The following NECAB1 variants were observed in gnomAD, a reference collection of about 807,000 sequenced individuals.
NECAB1 encodes the protein N-terminal EF-hand calcium-binding protein 1.
In NECAB1, 29 loss-of-function variants were observed where a neutral mutation model predicts 57.5. The ratio of observed to expected loss-of-function variants is 0.50; its 90% CI spans 0.38 to 0.69. The LOEUF (loss-of-function observed/expected upper bound fraction) is 0.69. Among genes scored for constraint, NECAB1 ranks in the 30% least tolerant of loss-of-function variants. The pLI is 0.00. For synonymous variants in NECAB1, 142 were observed against 147.7 expected, an observed-to-expected ratio of 0.96 and a Z score of 0.28; for missense variants, 372 against 413.8, an observed-to-expected ratio of 0.90 and a Z score of 0.88.
chr8:90,921,408 C>T (rs1193371055), intron 6 of NECAB1, among the ~76,000 whole-genome samples: 6 of 151,934 alleles, frequency 3.9e-5, no homozygotes, highest in Non-Finnish European at 5.9e-5. Context: ...GTGGCTCACA[C>T]CTGTGATTCC....
In NECAB1 at chr8:90,933,618, G is replaced by A. The variant is rs976980308; in HGVS notation, c.694-686G>A. 9.2e-5 allele frequency among the ~76,000 whole-genome samples: 14 copies of A among 152,074 alleles called. No individual in the cohort carries two copies. In the South Asian group the frequency reaches 2.1e-3, roughly 23 times the overall value. On this transcript the variant is annotated intron_variant, in intron 8 of 12. Transcript: ENST00000417640. ...GATGAGGGATAAAAGACTACAAATC[G>A]GGTTCAGTGTATACTGTTCAGGTGA...
At chr8:90,803,618 A>G (rs1811797973) in intron 2 of NECAB1, among the ~76,000 whole-genome samples, 2 of 152,134 alleles carry the variant, frequency 1.3e-5, no homozygotes, top group Non-Finnish European at 2.9e-5. Context: ...GACCCGTCTC[A>G]TATTTCCTCA....
At chr8:90,887,335 GTAA>G (rs1251495295) in intron 5 of NECAB1, among the ~76,000 whole-genome samples, 1 of 152,160 alleles carries the variant, frequency 6.6e-6, no homozygotes, top group Non-Finnish European at 1.5e-5. Flanking sequence ...CCACAAGGCA[GTAA>G]TAAACTATGA....
intron 2 of NECAB1, among the ~76,000 whole-genome samples, chr8:90,813,535 T>C (rs1217789377): frequency 1.3e-5 from 2 of 152,128 alleles, no homozygotes; most frequent in African/African-American, 2.4e-5. Flanking sequence ...TTATTATCAT[T>C]ATTATTTTAG....
Position 90,920,020 on chromosome 8 carries a change from G to A in NECAB1, c.494+2392G>A, listed in dbSNP as rs767042651. 1.5e-4 allele frequency among the ~76,000 whole-genome samples: 23 copies of A among 152,206 alleles called. 1 individual carries two copies. The highest frequency in any genetic ancestry group is 2.0e-4 in the Admixed American group (3 of 15,282). On this transcript the variant is annotated intron_variant, in intron 6 of 12. Coordinates refer to ENST00000417640, the MANE Select transcript of NECAB1 (RefSeq NM_022351.5). ...GACTGCTGCCAGCAGCTGCCTAGCAGCTGTGCTTAATGAGAAGGAGCATGA... is the reference window on the plus strand; with the variant it reads ...GACTGCTGCCAGCAGCTGCCTAGCAACTGTGCTTAATGAGAAGGAGCATGA...
At chr8:90,921,647 C>A (rs1055220865) in intron 6 of NECAB1, among the ~76,000 whole-genome samples, 53 of 151,440 alleles carry the variant, frequency 3.5e-4, no homozygotes, top group Non-Finnish European at 6.8e-4. Flanking sequence ...ACACTCCATC[C>A]TGGGCAACAA....
At chr8:90,804,108 G>T (rs571627071) in intron 2 of NECAB1, among the ~76,000 whole-genome samples, 1 of 152,278 alleles carries the variant, frequency 6.6e-6, no homozygotes, top group East Asian at 1.9e-4. Context: ...CAAGTAGATG[G>T]TATGCCCAGC....
At chr8:90,874,583 G>C (rs76324253) in intron 4 of NECAB1, among the ~76,000 whole-genome samples, 1 of 152,062 alleles carries the variant, frequency 6.6e-6, no homozygotes, top group East Asian at 1.9e-4. Flanking sequence ...ATATGTGTAC[G>C]TGTTGTTGTT....
At chr8:90,817,190 T>C (rs1812073192) in intron 2 of NECAB1, among the ~76,000 whole-genome samples, 1 of 151,806 alleles carries the variant, frequency 6.6e-6, no homozygotes, top group Non-Finnish European at 1.5e-5. Flanking sequence ...TTTTTAACTC[T>C]AGGGTTTTTG....
intron 5 of NECAB1, among the ~76,000 whole-genome samples, chr8:90,915,524 T>C (rs1809929019): frequency 6.6e-6 from 1 of 152,188 alleles, no homozygotes; most frequent in African/African-American, 2.4e-5. Context: ...TTAAAGACAT[T>C]GCAATTTTTA....
intron 5 of NECAB1, among the ~76,000 whole-genome samples, chr8:90,886,910 T>C (rs1160120765): frequency 6.6e-6 from 1 of 152,214 alleles, no homozygotes; most frequent in East Asian, 1.9e-4. Flanking sequence ...TTAAATATTT[T>C]TATGATACCT....
In NECAB1 at chr8:90,952,116, G is replaced by A. The variant is rs190344756; in HGVS notation, c.1030+912G>A. Among the ~76,000 whole-genome samples, 145 of 152,108 alleles carry A rather than the reference G, an allele frequency of 9.5e-4. 1 individual carries two copies. The highest frequency in any genetic ancestry group is 3.4e-3 in the Middle Eastern group (1 of 294). On this transcript the variant is annotated intron_variant, in intron 12 of 12. Coordinates refer to ENST00000417640, the MANE Select transcript of NECAB1 (RefSeq NM_022351.5). ...TGGAGTAATTTAAAGTTTTGAAAGG[G>A]ATGGTGACATGTTCTAATCAGTAAT...
At chr8:90,863,563 C>T (rs1313101184) in intron 3 of NECAB1, among the ~76,000 whole-genome samples, 1 of 152,050 alleles carries the variant, frequency 6.6e-6, no homozygotes, top group East Asian at 1.9e-4. Flanking sequence ...TTTAAACCCA[C>T]TTATTTGGTG....
At chr8:90,917,870 A>ATTATATATATATATATATGTG (rs1554575432) in intron 6 of NECAB1, among the ~76,000 whole-genome samples, 1 of 64,344 alleles carries the variant, frequency 1.6e-5, no homozygotes, top group Non-Finnish European at 2.5e-5. Context: ...ATATATATAT[A>ATTATATATATATATATATGTG]TGTGTGTGTG....
intron 1 of NECAB1, 27 bp downstream of exon 1, chr8:90,792,012 G>C: frequency 3.9e-6 from 6 of 1,534,786 alleles, no homozygotes; most frequent in Middle Eastern, 3.4e-4. Flanking sequence ...GGAGCTGGGC[G>C]GTTGCTTCCC....
At position 90,907,882 on chromosome 8, in the gene NECAB1, A is replaced by G. The variant is rs372166704; in HGVS notation, c.358-9610A>G. Among the ~76,000 whole-genome samples the G allele has an allele frequency of 6.3e-4, 96 of 152,328 alleles. 1 individual carries two copies. The highest frequency in any genetic ancestry group is 2.0e-3 in the African/African-American group (85 of 41,562). On this transcript the variant is annotated intron_variant, in intron 5 of 12. Coordinates refer to ENST00000417640, the MANE Select transcript of NECAB1 (RefSeq NM_022351.5). ...ATAGTGAGCCACAAGGGAAAATTAA[A>G]TCCAGAAATGTGTCAGTTTTCACAT... is the stretch of plus-strand genomic sequence containing the variant.
chr8:90,923,201 C>T (rs2130153307), intron 6 of NECAB1, among the ~76,000 whole-genome samples: 1 of 152,260 alleles, frequency 6.6e-6, no homozygotes, highest in Non-Finnish European at 1.5e-5. Flanking sequence ...ATAGTGACTG[C>T]TCCTACCCGA....
rs555511219 is a variant in NECAB1, at chr8:90,862,288, A to T, written c.234-9840A>T. On this transcript the variant is annotated intron_variant, in intron 3 of 12. Coordinates refer to ENST00000417640, the MANE Select transcript of NECAB1 (RefSeq NM_022351.5). ...TATAAAAATATTCATGGAAAGACACACATGAAACTGGAAATAATAGCTGTC... is the reference window on the plus strand; with the variant it reads ...TATAAAAATATTCATGGAAAGACACTCATGAAACTGGAAATAATAGCTGTC... Among the ~76,000 whole-genome samples, 13 of 152,282 alleles carry T rather than the reference A, an allele frequency of 8.5e-5. 1 individual carries two copies. The South Asian group carries it at 2.5e-3, about 29-fold the overall frequency.
chr8:90,936,943 T>C (rs947802821), intron 9 of NECAB1, among the ~76,000 whole-genome samples: 86 of 152,092 alleles, frequency 5.7e-4, no homozygotes, highest in Non-Finnish European at 1.0e-4. Flanking sequence ...ATTTTACGTA[T>C]CAGAAGACAA....
Sources: allele counts gnomAD v4.1 joint callset (sites outside exome capture counted in the v4.1 genomes callset), GRCh38; gene constraint gnomAD v4.1.1; transcripts MANE v1.5; gene names NCBI Gene and HGNC (gene_info 2026-07-23, HGNC 2026-07-21).